NCKAP5: variants seen among roughly 807,000 people sequenced by gnomAD.
NCKAP5 encodes the protein nck-associated protein 5.
A neutral mutation model predicts 167.0 loss-of-function variants in NCKAP5; 92 were observed. The ratio of observed to expected loss-of-function variants is 0.55; its 90% confidence interval spans 0.47 to 0.66. The LOEUF (loss-of-function observed/expected upper bound fraction) is 0.66. NCKAP5 is among the 30% of genes least tolerant of loss of function. NCKAP5 has a pLI of 0.00. For missense variants in NCKAP5, 2,378 were observed against 2,315.0 expected, an observed-to-expected ratio of 1.03 and a Z score of -0.56; for synonymous variants, 891 against 877.4, an observed-to-expected ratio of 1.02 and a Z score of -0.27.
At chr2:133,419,422 A>AT (rs1159486188) in intron 3 of NCKAP5, among the ~76,000 whole-genome samples, 1 of 152,202 alleles carries the variant, frequency 6.6e-6, no homozygotes, top group Non-Finnish European at 1.5e-5. Context: ...CACAAAGTGG[A>AT]TTTTTTAAAA....
At chr2:133,601,258 T>C in the NCKAP5 span, among the ~76,000 whole-genome samples, 6 of 152,250 alleles carry the variant, frequency 3.9e-5, no homozygotes, top group African/African-American at 1.4e-4. Flanking sequence ...CAAACAGCCT[T>C]GCCTTCTGGC....
intron 6 of NCKAP5, among the ~76,000 whole-genome samples, chr2:132,995,172 T>TA (rs933387571): frequency 2.0e-5 from 3 of 152,260 alleles, no homozygotes; most frequent in African/African-American, 7.2e-5. Context: ...ACTAAATCTA[T>TA]AAAAAATATT....
intron 13 of NCKAP5, among the ~76,000 whole-genome samples, chr2:132,788,370 T>G (rs1382260543): frequency 2.0e-5 from 3 of 152,272 alleles, no homozygotes; most frequent in East Asian, 3.9e-4. Flanking sequence ...GGGAGCAAAC[T>G]GATCTCAATA....
the NCKAP5 span, among the ~76,000 whole-genome samples, chr2:133,615,005 A>C: frequency 1.3e-5 from 2 of 152,122 alleles, no homozygotes; most frequent in Non-Finnish European, 2.9e-5. Flanking sequence ...CAACATTCTT[A>C]AAGACAAGAA....
intron 3 of NCKAP5, among the ~76,000 whole-genome samples, chr2:133,409,823 C>T (rs1688667589): frequency 1.3e-5 from 2 of 152,200 alleles, no homozygotes; most frequent in African/African-American, 4.8e-5. Flanking sequence ...AATGCATTTA[C>T]TCAGACTTTG....
At chr2:133,581,211 G>T in the NCKAP5 span, among the ~76,000 whole-genome samples, 7 of 152,138 alleles carry the variant, frequency 4.6e-5, no homozygotes, top group Admixed American at 1.3e-4. Context: ...AAGTAAACTT[G>T]GGAAGGAAAT....
At chr2:133,071,089 C>A (rs912791520) in intron 6 of NCKAP5, among the ~76,000 whole-genome samples, 1 of 152,034 alleles carries the variant, frequency 6.6e-6, no homozygotes, top group African/African-American at 2.4e-5. Flanking sequence ...AAAGGTGACA[C>A]TAAAGAAGCA....
At chr2:133,388,456 G>C (rs939065104) in intron 3 of NCKAP5, among the ~76,000 whole-genome samples, 1 of 152,234 alleles carries the variant, frequency 6.6e-6, no homozygotes, top group African/African-American at 2.4e-5. Flanking sequence ...CCCTACTGGG[G>C]GATGCCTCCC....
At chr2:133,302,825 A>C (rs973815736) in intron 4 of NCKAP5, among the ~76,000 whole-genome samples, 1 of 150,976 alleles carries the variant, frequency 6.6e-6, no homozygotes, top group Non-Finnish European at 1.5e-5. Context: ...ATAAATAAAT[A>C]AATCTTGAAG....
intron 8 of NCKAP5, among the ~76,000 whole-genome samples, chr2:132,955,603 T>C (rs1394641327): frequency 6.6e-6 from 1 of 152,234 alleles, no homozygotes; most frequent in Non-Finnish European, 1.5e-5. Context: ...TTGTAAATAG[T>C]GCTGTAGTAA....
At chr2:133,359,296 C>A (rs1276993909) in intron 3 of NCKAP5, among the ~76,000 whole-genome samples, 1 of 152,178 alleles carries the variant, frequency 6.6e-6, no homozygotes, top group Non-Finnish European at 1.5e-5. Context: ...ACAACTGCCC[C>A]ACTTCAATAT....
intron 5 of NCKAP5, among the ~76,000 whole-genome samples, chr2:133,206,119 G>A (rs1365335483): frequency 6.6e-6 from 1 of 152,060 alleles, no homozygotes; most frequent in Admixed American, 6.5e-5. Context: ...TCTGGTTATG[G>A]TTTTTAAAAG....
intron 6 of NCKAP5, among the ~76,000 whole-genome samples, chr2:133,102,286 A>G (rs1487374582): frequency 6.6e-6 from 1 of 152,116 alleles, no homozygotes; most frequent in Non-Finnish European, 1.5e-5. Context: ...AGCCGGGACT[A>G]TAGGCACGTG....
chr2:132,713,410 A>G (rs1177831423), intron 19 of NCKAP5, among the ~76,000 whole-genome samples: 2 of 152,178 alleles, frequency 1.3e-5, no homozygotes, highest in African/African-American at 4.8e-5. Context: ...TTCCCAAAGA[A>G]GGGAGGGAAG....
intron 5 of NCKAP5, among the ~76,000 whole-genome samples, chr2:133,206,897 C>T (rs942688959): frequency 5.3e-5 from 8 of 152,048 alleles, no homozygotes; most frequent in East Asian, 1.9e-4. Flanking sequence ...GACTGAAATA[C>T]GCCCTGGTCT....
chr2:133,536,983 G>C (rs146503974), intron 2 of NCKAP5, among the ~76,000 whole-genome samples: 1 of 152,020 alleles, frequency 6.6e-6, no homozygotes, highest in African/African-American at 2.4e-5. Context: ...TGGTAGGTTT[G>C]AGATAGGAAT....
At chr2:133,445,405 T>TA (rs1277807962) in intron 3 of NCKAP5, among the ~76,000 whole-genome samples, 2 of 152,188 alleles carry the variant, frequency 1.3e-5, no homozygotes, top group Non-Finnish European at 2.9e-5. Context: ...TTGACTTAAT[T>TA]CTCATAAAAA....
chr2:133,018,666 A>T lies in NCKAP5; in HGVS notation c.342-24427T>A, dbSNP rs2078426601. On this transcript the variant is annotated intron_variant, in intron 6 of 19. Transcript: ENST00000409261. ...CTCTTATTGCCTAAGTGCTCCAGAA[A>T]TGTATTTATCATTTGTTTGGGGATC... Among the ~76,000 whole-genome samples the T allele has an allele frequency of 2.0e-5, 3 of 152,174 alleles. No individual in the cohort carries two copies. The South Asian group carries it at 6.2e-4, about 32-fold the overall frequency.
intron 4 of NCKAP5, among the ~76,000 whole-genome samples, chr2:133,215,794 A>G (rs1173058831): frequency 3.9e-5 from 6 of 152,178 alleles, no homozygotes; most frequent in Non-Finnish European, 8.8e-5. Context: ...TAAGACAAGA[A>G]AAAGAAATAA....
Sources: gnomAD v4.1 joint callset for allele counts (sites outside exome capture counted in the v4.1 genomes callset) on GRCh38, gnomAD v4.1.1 for gene constraint, MANE v1.5 for transcripts, NCBI Gene and HGNC (gene_info 2026-07-23, HGNC 2026-07-21) for gene names.